The following AOPEP variants were observed in gnomAD, a reference collection of about 807,000 sequenced individuals.
AOPEP encodes the protein aminopeptidase O.
Under a neutral mutation model 98.1 loss-of-function variants are expected in AOPEP, and 77 were observed. That is an observed-to-expected ratio of 0.78 (90% CI 0.65 to 0.95). AOPEP has a LOEUF of 0.95. AOPEP is among the 40% of genes least tolerant of loss of function. The pLI is 0.00. For missense variants in AOPEP, 1,024 were observed against 1,024.7 expected (o/e 1.00, Z 0.01); for synonymous variants, 346 against 365.3 (o/e 0.95, Z 0.60).
At chr9:95,086,081 A>C (rs773200905) in intron 16 of AOPEP, 2 of 1,367,646 alleles carry the variant, frequency 1.5e-6, no homozygotes, top group Admixed American at 3.8e-5. Context: ...GTTCAGCAGG[A>C]ACAGGAGTCG....
the AOPEP span, among the ~76,000 whole-genome samples, chr9:95,139,717 C>T: frequency 1.1e-4 from 16 of 151,212 alleles, no homozygotes; most frequent in Non-Finnish European, 2.4e-4. Flanking sequence ...TTATGTTTAA[C>T]AAGCATAAGG....
intron 3 of AOPEP, among the ~76,000 whole-genome samples, chr9:94,786,736 T>C (rs1844512523): frequency 6.6e-6 from 1 of 152,208 alleles, no homozygotes; most frequent in South Asian, 2.1e-4. Context: ...CAGCGCTCCA[T>C]GATCTCAGCG....
chr9:94,886,433 A>T (rs956317907), intron 5 of AOPEP, among the ~76,000 whole-genome samples: 4 of 152,238 alleles, frequency 2.6e-5, no homozygotes, highest in African/African-American at 9.6e-5. Context: ...CTAAGCATTT[A>T]CCAATGTTCT....
intron 2 of AOPEP, among the ~76,000 whole-genome samples, chr9:94,765,443 A>AATAATAATAATG (rs1839358362): frequency 7.2e-6 from 1 of 138,100 alleles, no homozygotes; most frequent in African/African-American, 2.7e-5. Context: ...CTACAAAAAT[A>AATAATAATAATG]ATAATAATAA....
chr9:94,792,688 G>C, intron 3 of AOPEP, 77 bp from the exon 4 acceptor site: 1 of 1,331,636 alleles, frequency 7.5e-7, no homozygotes, highest in Non-Finnish European at 1.0e-6. Context: ...CTCTTCAAGT[G>C]CCTCGAGAAG....
chr9:95,074,543 C>T lies in AOPEP; in HGVS notation c.2233-6151C>T, dbSNP rs148623471. On this transcript the variant is annotated intron_variant, in intron 14 of 16. Coordinates refer to ENST00000375315, the MANE Select transcript of AOPEP (RefSeq NM_001193329.3). ...CGCCTCTGTGTTACCCCGACCTGTA[C>T]GCTAAGTGAGGGCAGCACTGTCATT... 2.0e-4 allele frequency among the ~76,000 whole-genome samples: 30 copies of T among 152,322 alleles called. No homozygotes were observed. The East Asian group carries it at 5.0e-3, about 25-fold the overall frequency.
At chr9:95,004,977 C>A (rs1332982697) in intron 11 of AOPEP, 181 bp from the exon 12 acceptor site, 5 of 149,452 alleles carry the variant, frequency 3.3e-5, no homozygotes, top group Admixed American at 2.7e-4. Flanking sequence ...GCCCGCCGCC[C>A]GCGCCGCGCC....
chr9:94,957,271 G>A (rs2058526786), intron 9 of AOPEP, among the ~76,000 whole-genome samples: 1 of 152,090 alleles, frequency 6.6e-6, no homozygotes, highest in Admixed American at 6.6e-5. Flanking sequence ...GCAGTGGTGC[G>A]ATCGCGGCTC....
chr9:94,968,318 G>A (rs1389280909), intron 10 of AOPEP, among the ~76,000 whole-genome samples: 1 of 151,976 alleles, frequency 6.6e-6, no homozygotes, highest in Admixed American at 6.6e-5. Flanking sequence ...GCAAGATCTC[G>A]GTTCACTGCA....
At position 94,918,035 on chromosome 9, in the gene AOPEP, A is replaced by T. The variant is rs1413276179; in HGVS notation, c.1365-5951A>T. 2.6e-5 allele frequency among the ~76,000 whole-genome samples: 4 copies of T among 151,744 alleles called. No homozygotes were observed. In the East Asian group the frequency reaches 7.7e-4, roughly 29 times the overall value. On this transcript the variant is annotated intron_variant, in intron 5 of 16. Coordinates refer to ENST00000375315, the MANE Select transcript of AOPEP (RefSeq NM_001193329.3). ...TCTTCTTGCCTCCTGTAGCTCTTTGAGTTTGTGACCTGCTTTAAACCATCT... is the reference window on the plus strand; with the variant it reads ...TCTTCTTGCCTCCTGTAGCTCTTTGTGTTTGTGACCTGCTTTAAACCATCT...
At chr9:95,045,963 A>G (rs2065828702) in intron 13 of AOPEP, among the ~76,000 whole-genome samples, 1 of 152,208 alleles carries the variant, frequency 6.6e-6, no homozygotes, top group Admixed American at 6.5e-5. Flanking sequence ...AACGGTAGGA[A>G]CGCAGGGTAG....
chr9:95,029,457 G>GT (rs1383652963), intron 13 of AOPEP, among the ~76,000 whole-genome samples: 2 of 152,142 alleles, frequency 1.3e-5, no homozygotes, highest in African/African-American at 4.8e-5. Flanking sequence ...AGATCCTCAA[G>GT]TGTAAGTGCT....
chr9:94,967,758 G>A lies in AOPEP; in HGVS notation c.1873G>A (p.Asp625Asn). 6.2e-7 allele frequency: 1 copy of A among 1,612,958 alleles called. No homozygotes were observed. The highest frequency in any genetic ancestry group is 8.5e-7 in the Non-Finnish European group (1 of 1,178,984). The change falls in exon 10 of 17, where the codon GAT becomes AAT. Residue 625 changes from aspartate to asparagine, a missense_variant and splice_region_variant. Physicochemically the swap from Asp to Asn is conservative, Grantham distance 23. This residue lies in a region of AOPEP where 566 missense variants were observed against 551.7 expected (regional missense o/e 1.03). Transcript: ENST00000375315. ...AATGATTTGCTTTTTTTAATCCCAG[G>A]ATTTCCTTCAAATGCTACTGGAGAA... ...TFHGQLILSQDFLQMLLENIP... is the reference protein window; with the variant it reads ...TFHGQLILSQNFLQMLLENIP...
chr9:94,902,749 C>T (rs2050578572), intron 5 of AOPEP, among the ~76,000 whole-genome samples: 1 of 151,830 alleles, frequency 6.6e-6, no homozygotes, highest in South Asian at 2.1e-4. Flanking sequence ...AAATTTAAAG[C>T]TCTTTTTAAA....
At chr9:95,042,569 G>C (rs899609484) in intron 13 of AOPEP, among the ~76,000 whole-genome samples, 10 of 152,140 alleles carry the variant, frequency 6.6e-5, no homozygotes, top group African/African-American at 2.4e-4. Flanking sequence ...GCTAATGTCA[G>C]GGTGTCCGCA....
intron 5 of AOPEP, among the ~76,000 whole-genome samples, chr9:94,861,163 G>A (rs2044917873): frequency 1.3e-5 from 2 of 152,118 alleles, no homozygotes; most frequent in African/African-American, 4.8e-5. Flanking sequence ...TGACGTACGG[G>A]GAGCTCTGGC....
At chr9:94,955,415 G>A (rs551201046) in intron 8 of AOPEP, 136 bp downstream of exon 8, 20 of 605,984 alleles carry the variant, frequency 3.3e-5, no homozygotes, top group Non-Finnish European at 4.9e-5. Flanking sequence ...ATATCTGAGC[G>A]TTCAGTAATT....
intron 5 of AOPEP, among the ~76,000 whole-genome samples, chr9:94,853,951 A>T (rs1220182050): frequency 6.6e-6 from 1 of 152,182 alleles, no homozygotes; most frequent in East Asian, 1.9e-4. Context: ...ATTATCAATC[A>T]CCTCTTAGCA....
At chr9:95,110,853 TAAC>T in the AOPEP span, 1 of 1,180,798 alleles carries the variant, frequency 8.5e-7, no homozygotes, top group Non-Finnish European at 1.1e-6. Context: ...CCACATAAAA[TAAC>T]AACTGTCTTT....
Sources: gnomAD v4.1 joint callset for allele counts (sites outside exome capture counted in the v4.1 genomes callset) on GRCh38, gnomAD v4.1.1 for gene constraint, gnomAD v4.1.1 regional missense constraint, MANE v1.5 for transcripts, NCBI Gene and HGNC (gene_info 2026-07-23, HGNC 2026-07-21) for gene names.